DISP1: variants seen among roughly 807,000 people sequenced by gnomAD.
The protein encoded by DISP1 is dispatched RND transporter family member 1.
In DISP1, 30 loss-of-function variants were observed where a neutral mutation model predicts 37.3. The ratio of observed to expected loss-of-function variants is 0.80; its 90% CI spans 0.60 to 1.09. The LOEUF is 1.09. Among genes scored for constraint, DISP1 ranks in the 50% least tolerant of loss-of-function variants. The probability of loss-of-function intolerance (pLI) is 0.00; values close to 1 mark genes in which losing one functional copy is unlikely to be tolerated. For missense variants in DISP1, 1,598 were observed against 1,879.5 expected (o/e 0.85, Z 2.77); for synonymous variants, 634 against 690.2 (o/e 0.92, Z 1.28).
At chr1:222,826,219 A>G (rs1664352029) in intron 1 of DISP1, among the ~76,000 whole-genome samples, 2 of 151,764 alleles carry the variant, frequency 1.3e-5, no homozygotes, top group South Asian at 4.2e-4. Flanking sequence ...TTTTCTTCTT[A>G]CTGTAGTTGA....
Position 222,979,080 on chromosome 1 carries a change from G to A in DISP1, c.510-4000G>A, listed in dbSNP as rs1355386014. On this transcript the variant is annotated intron_variant, in intron 3 of 8. Coordinates refer to ENST00000675850, the MANE Select transcript of DISP1 (RefSeq NM_001377229.1). ...AAGAAAGTCATTGGTAGCTTGATGG[G>A]GATGGCATTGAATCTATAAATTACC... Among the ~76,000 whole-genome samples, 3 of 152,218 alleles carry A rather than the reference G, an allele frequency of 2.0e-5. No individual in the cohort carries two copies. The East Asian group carries it at 5.8e-4, about 29-fold the overall frequency.
At chr1:222,846,625 A>C (rs1378522609) in intron 1 of DISP1, among the ~76,000 whole-genome samples, 1 of 152,234 alleles carries the variant, frequency 6.6e-6, no homozygotes, top group Non-Finnish European at 1.5e-5. Context: ...TTGGATGGGG[A>C]GTGAGCATGG....
chr1:222,888,258 A>G (rs886703255), intron 1 of DISP1, among the ~76,000 whole-genome samples: 1 of 152,202 alleles, frequency 6.6e-6, no homozygotes, highest in Admixed American at 6.5e-5. Context: ...TTTTAAATTT[A>G]GATTTACTAG....
At chr1:222,953,340 G>A (rs910676494) in intron 3 of DISP1, among the ~76,000 whole-genome samples, 3 of 152,072 alleles carry the variant, frequency 2.0e-5, no homozygotes, top group African/African-American at 7.2e-5. Flanking sequence ...TTTCATGCCT[G>A]CGCTTAATCC....
chr1:222,852,088 G>A (rs1304887950), intron 1 of DISP1, among the ~76,000 whole-genome samples: 1 of 152,116 alleles, frequency 6.6e-6, no homozygotes, highest in Non-Finnish European at 1.5e-5. Context: ...GGAAGCTGAG[G>A]CAGGAGAATG....
chr1:222,844,220 G>A (rs1464032540), intron 1 of DISP1, among the ~76,000 whole-genome samples: 2 of 152,098 alleles, frequency 1.3e-5, no homozygotes, highest in East Asian at 1.9e-4. Context: ...CAGCATAGTA[G>A]CATCACCTCA....
chr1:222,843,175 T>C (rs561237579), intron 1 of DISP1, among the ~76,000 whole-genome samples: 100 of 152,022 alleles, frequency 6.6e-4, no homozygotes, highest in Non-Finnish European at 1.1e-3. Context: ...AAATCCAAGA[T>C]AGTATTAAAA....
chr1:222,952,734 C>G (rs76637856), intron 3 of DISP1, among the ~76,000 whole-genome samples: 17,570 of 152,122 alleles, frequency 0.12, 1,060 homozygotes, highest in East Asian at 0.28. Flanking sequence ...CCTGTAGTCC[C>G]AGCTACTCAG....
At chr1:222,948,737 T>G (rs1054309175) in intron 3 of DISP1, among the ~76,000 whole-genome samples, 11 of 152,226 alleles carry the variant, frequency 7.2e-5, no homozygotes, top group Non-Finnish European at 1.5e-4. Flanking sequence ...CTTTAAAGGA[T>G]GTGTTAAACA....
At chr1:222,863,433 A>G (rs984002200) in intron 1 of DISP1, among the ~76,000 whole-genome samples, 1 of 151,862 alleles carries the variant, frequency 6.6e-6, no homozygotes, top group African/African-American at 2.4e-5. Context: ...CTGAGTTGAG[A>G]GGACCACCTG....
intron 1 of DISP1, among the ~76,000 whole-genome samples, chr1:222,862,852 A>AT (rs1489279759): frequency 1.3e-5 from 2 of 151,408 alleles, no homozygotes; most frequent in African/African-American, 4.9e-5. Flanking sequence ...TTTTGCAGCT[A>AT]TTTTTTTTCT....
At chr1:222,936,746 TC>T (rs56655835) in intron 2 of DISP1, among the ~76,000 whole-genome samples, 7 of 88,310 alleles carry the variant, frequency 7.9e-5, no homozygotes, top group African/African-American at 1.9e-4. Flanking sequence ...AAATTATATA[TC>T]ATATATATGA....
intron 3 of DISP1, among the ~76,000 whole-genome samples, chr1:222,956,095 T>C (rs966173294): frequency 6.6e-6 from 1 of 152,220 alleles, no homozygotes; most frequent in African/African-American, 2.4e-5. Flanking sequence ...AGTAGATACA[T>C]TCCTTCGGAC....
intron 1 of DISP1, among the ~76,000 whole-genome samples, chr1:222,922,097 G>A (rs1043318199): frequency 6.6e-6 from 1 of 152,130 alleles, no homozygotes; most frequent in Non-Finnish European, 1.5e-5. Context: ...AAGCACTGAG[G>A]GTGTGAGGGT....
At chr1:222,844,698 A>G (rs947471909) in intron 1 of DISP1, among the ~76,000 whole-genome samples, 2 of 152,150 alleles carry the variant, frequency 1.3e-5, no homozygotes, top group African/African-American at 4.8e-5. Flanking sequence ...TTAGTGAGAC[A>G]TTGAGTTTTT....
intron 3 of DISP1, among the ~76,000 whole-genome samples, chr1:222,967,206 G>C (rs1676566874): frequency 6.6e-6 from 1 of 152,062 alleles, no homozygotes; most frequent in African/African-American, 2.4e-5. Flanking sequence ...GCAACATTAA[G>C]CAGCATTTTG....
At chr1:222,918,672 T>A (rs2789960) in intron 1 of DISP1, among the ~76,000 whole-genome samples, 4 of 152,018 alleles carry the variant, frequency 2.6e-5, no homozygotes, top group African/African-American at 7.2e-5. Flanking sequence ...GAGCAAGAGA[T>A]GGGTCTCTCA....
intron 3 of DISP1, among the ~76,000 whole-genome samples, chr1:222,945,213 T>C (rs1674685940): frequency 6.6e-6 from 1 of 152,158 alleles, no homozygotes; most frequent in Non-Finnish European, 1.5e-5. Context: ...TACTGCAGTT[T>C]CTGAATACAT....
At chr1:222,822,053 CTCTTGTTTGT>C (rs1663084344) in intron 1 of DISP1, among the ~76,000 whole-genome samples, 1 of 152,090 alleles carries the variant, frequency 6.6e-6, no homozygotes, top group Non-Finnish European at 1.5e-5. Flanking sequence ...CTCTTGTTTA[CTCTTGTTTGT>C]AAATTACCCA....
Sources: gnomAD v4.1 joint callset for allele counts (sites outside exome capture counted in the v4.1 genomes callset) on GRCh38, gnomAD v4.1.1 for gene constraint, MANE v1.5 for transcripts, NCBI Gene and HGNC (gene_info 2026-07-23, HGNC 2026-07-21) for gene names.